MARCHF1: variants seen among roughly 807,000 people sequenced by gnomAD.
The protein encoded by MARCHF1 is membrane associated ring-CH-type finger 1, also known as E3 ubiquitin-protein ligase MARCHF1.
Under a neutral mutation model 54.2 loss-of-function variants are expected in MARCHF1, and 40 were observed. The observed-to-expected ratio is 0.74, with a 90% CI of 0.57 to 0.96. The LOEUF (loss-of-function observed/expected upper bound fraction) is 0.96. Ranked by LOEUF, MARCHF1 falls within the 40% of genes least tolerant of loss-of-function variation. The probability of loss-of-function intolerance (pLI) is 0.00; values close to 1 mark genes in which losing one functional copy is unlikely to be tolerated. For synonymous variants in MARCHF1, 236 were observed against 236.3 expected (o/e 1.00, Z 0.01); for missense variants, 586 against 656.5 (o/e 0.89, Z 1.17).
intron 5 of MARCHF1, among the ~76,000 whole-genome samples, chr4:163,658,807 G>A (rs556064050): frequency 2.0e-5 from 3 of 152,026 alleles, no homozygotes; most frequent in African/African-American, 7.2e-5. Context: ...GAATGTGGGA[G>A]GAGGGAGAAC....
At chr4:164,210,741 T>A (rs10024554) in intron 1 of MARCHF1, among the ~76,000 whole-genome samples, 12,698 of 152,050 alleles carry the variant, frequency 0.084, 656 homozygotes, top group African/African-American at 0.14. Context: ...GCAGGAGGAA[T>A]CTGACTCCCA....
chr4:163,920,673 C>T (rs1362415242), intron 3 of MARCHF1, among the ~76,000 whole-genome samples: 1 of 152,134 alleles, frequency 6.6e-6, no homozygotes, highest in African/African-American at 2.4e-5. Context: ...CCTGCATTCC[C>T]TGCCCCCACA....
intron 4 of MARCHF1, among the ~76,000 whole-genome samples, chr4:163,715,856 T>G (rs945471709): frequency 1.3e-5 from 2 of 152,168 alleles, no homozygotes; most frequent in Non-Finnish European, 2.9e-5. Context: ...TAATGAATTT[T>G]CAAACAACAC....
intron 2 of MARCHF1, among the ~76,000 whole-genome samples, chr4:163,994,483 TG>T: frequency 6.6e-6 from 1 of 151,988 alleles, no homozygotes; most frequent in East Asian, 1.9e-4. Flanking sequence ...GACAAGTTAA[TG>T]GGTGCAGCAC....
chr4:164,108,581 G>T (rs1469603799), intron 2 of MARCHF1, among the ~76,000 whole-genome samples: 1 of 151,838 alleles, frequency 6.6e-6, no homozygotes, highest in African/African-American at 2.4e-5. Flanking sequence ...TGAGATTATA[G>T]CAATTTAGAA....
intron 4 of MARCHF1, among the ~76,000 whole-genome samples, chr4:163,730,616 GTGCAGGTTTGTTACAT>G (rs1745797981): frequency 6.6e-6 from 1 of 151,948 alleles, no homozygotes; most frequent in African/African-American, 2.4e-5. Context: ...TGTGCACAAC[GTGCAGGTTTGTTACAT>G]ATGTATACAT....
intron 1 of MARCHF1, among the ~76,000 whole-genome samples, chr4:164,139,492 CAA>C (rs10604087): frequency 0.051 from 6,577 of 129,684 alleles, 473 homozygotes; most frequent in African/African-American, 0.16. Context: ...TATCTAAAGT[CAA>C]AAAAAAAAAA....
intron 1 of MARCHF1, among the ~76,000 whole-genome samples, chr4:164,283,297 C>T (rs1734070230): frequency 6.6e-6 from 1 of 150,808 alleles, no homozygotes; most frequent in Non-Finnish European, 1.5e-5. Flanking sequence ...TAATTTTATT[C>T]ACCCACTCCC....
chr4:164,034,262 A>G (rs1560872103), intron 2 of MARCHF1, among the ~76,000 whole-genome samples: 2 of 152,150 alleles, frequency 1.3e-5, no homozygotes, highest in African/African-American at 4.8e-5. Flanking sequence ...GTTCTCACTC[A>G]TAAGTGGAAG....
rs531235563 is a variant in MARCHF1 at position 164,347,714 on chromosome 4, T to C, written c.-323+36156A>G. 2.6e-5 allele frequency among the ~76,000 whole-genome samples: 4 copies of C among 152,254 alleles called. No individual in the cohort carries two copies. The East Asian group carries it at 7.7e-4, about 29-fold the overall frequency. ...AGTGGAGAACAGTACTGAGGAAAAATTGTTATTTGTGAGTTCTGCAGTTAC... is the reference window on the plus strand; with the variant it reads ...AGTGGAGAACAGTACTGAGGAAAAACTGTTATTTGTGAGTTCTGCAGTTAC... On this transcript the variant is annotated intron_variant, in intron 1 of 9. Coordinates refer to ENST00000514618, the MANE Select transcript of MARCHF1 (RefSeq NM_001394959.1).
At chr4:163,675,074 A>G (rs1380237306) in intron 5 of MARCHF1, among the ~76,000 whole-genome samples, 2 of 152,202 alleles carry the variant, frequency 1.3e-5, no homozygotes, top group African/African-American at 4.8e-5. Context: ...AAGAGGAAAA[A>G]GGAAAACCCT....
chr4:164,149,520 G>A (rs1337813345), intron 1 of MARCHF1, among the ~76,000 whole-genome samples: 3 of 152,068 alleles, frequency 2.0e-5, no homozygotes, highest in African/African-American at 4.8e-5. Context: ...CGGCTTTCTC[G>A]AGAAATGACT....
At chr4:164,072,097 T>C (rs1754879390) in intron 2 of MARCHF1, among the ~76,000 whole-genome samples, 1 of 151,588 alleles carries the variant, frequency 6.6e-6, no homozygotes, top group South Asian at 2.1e-4. Context: ...AAAATGACAA[T>C]GAGTCATTTC....
At chr4:164,122,450 A>G (rs1342574576) in intron 1 of MARCHF1, among the ~76,000 whole-genome samples, 1 of 152,146 alleles carries the variant, frequency 6.6e-6, no homozygotes, top group African/African-American at 2.4e-5. Context: ...TAAGGAGCAT[A>G]TAAGATAGTG....
In MARCHF1 at chr4:164,152,144, A is replaced by G. The variant is rs115728153; in HGVS notation, c.-322-40482T>C. 5.9e-3 allele frequency among the ~76,000 whole-genome samples: 897 copies of G among 152,334 alleles called. 9 individuals are homozygous for G. Among genetic ancestry groups the G allele is most frequent in the African/African-American group, 0.021 (856 of 41,580 alleles). Reference sequence around the variant, plus strand: ...GACGATAGAAAATAAACAAATAAACATGTACCTACATATATACATACATAA... The same window carrying G: ...GACGATAGAAAATAAACAAATAAACGTGTACCTACATATATACATACATAA... On this transcript the variant is annotated intron_variant, in intron 1 of 9. Coordinates refer to ENST00000514618, the MANE Select transcript of MARCHF1 (RefSeq NM_001394959.1).
intron 4 of MARCHF1, among the ~76,000 whole-genome samples, chr4:163,743,470 T>C (rs1046669561): frequency 3.9e-4 from 60 of 152,314 alleles, no homozygotes; most frequent in South Asian, 2.1e-4. Context: ...TACCTGATTA[T>C]GGTAAAGTTA....
At chr4:164,280,279 C>T (rs960123459) in intron 1 of MARCHF1, among the ~76,000 whole-genome samples, 1 of 151,934 alleles carries the variant, frequency 6.6e-6, no homozygotes, top group African/African-American at 2.4e-5. Context: ...TAAAGCAGAA[C>T]TGAAATGTCA....
chr4:163,651,923 G>A (rs568676188), intron 5 of MARCHF1, among the ~76,000 whole-genome samples: 4 of 151,274 alleles, frequency 2.6e-5, no homozygotes, highest in African/African-American at 9.7e-5. Context: ...CTTTCATTGT[G>A]GCCCACTAGG....
chr4:163,843,985 TA>T (rs548148598), intron 4 of MARCHF1, among the ~76,000 whole-genome samples: 16 of 152,104 alleles, frequency 1.1e-4, no homozygotes, highest in Non-Finnish European at 2.9e-5. Flanking sequence ...TTTTCTTTTT[TA>T]AAAAACTTTT....
Sources: allele counts gnomAD v4.1 joint callset (sites outside exome capture counted in the v4.1 genomes callset), GRCh38; gene constraint gnomAD v4.1.1; transcripts MANE v1.5; gene names NCBI Gene and HGNC (gene_info 2026-07-23, HGNC 2026-07-21).